The following SLC2A13 variants were observed in gnomAD, a reference collection of about 807,000 sequenced individuals.
SLC2A13 encodes the protein proton myo-inositol cotransporter.
In SLC2A13, 32 loss-of-function variants were observed where a neutral mutation model predicts 64.4. The ratio of observed to expected loss-of-function variants is 0.50; its 90% CI spans 0.37 to 0.67. The LOEUF (loss-of-function observed/expected upper bound fraction) is 0.67, where lower values mean the gene tolerates loss of function less well. SLC2A13 is among the 30% of genes least tolerant of loss of function. SLC2A13 has a pLI of 0.00. For missense variants in SLC2A13, 743 were observed against 829.2 expected, an observed-to-expected ratio of 0.90 and a Z score of 1.28; for synonymous variants, 338 against 327.1, an observed-to-expected ratio of 1.03 and a Z score of -0.36.
At chr12:39,825,327 C>A (rs1942640011) in intron 7 of SLC2A13, among the ~76,000 whole-genome samples, 1 of 152,076 alleles carries the variant, frequency 6.6e-6, no homozygotes, top group Non-Finnish European at 1.5e-5. Flanking sequence ...AAAAAAAATT[C>A]TAATGCCTGA....
At chr12:39,926,558 C>G (rs541139854) in intron 4 of SLC2A13, among the ~76,000 whole-genome samples, 1 of 152,288 alleles carries the variant, frequency 6.6e-6, no homozygotes, top group South Asian at 2.1e-4. Context: ...AGGTCATCAT[C>G]TCAATAGGTA....
chr12:39,834,124 A>T (rs946043535), intron 6 of SLC2A13, among the ~76,000 whole-genome samples: 12 of 152,068 alleles, frequency 7.9e-5, no homozygotes, highest in African/African-American at 2.9e-4. Flanking sequence ...TGCAATCTTC[A>T]TGCCTGAAGG....
chr12:39,770,585 C>T (rs1940527118), intron 7 of SLC2A13, among the ~76,000 whole-genome samples: 2 of 152,150 alleles, frequency 1.3e-5, no homozygotes, highest in Admixed American at 1.3e-4. Context: ...GGGGAAAGAA[C>T]TGTATCATGG....
intron 2 of SLC2A13, among the ~76,000 whole-genome samples, chr12:40,034,287 G>T (rs551026372): frequency 1.3e-5 from 2 of 152,290 alleles, no homozygotes; most frequent in African/African-American, 4.8e-5. Context: ...GGCCATGAAA[G>T]CATTAAGGTA....
chr12:39,927,263 G>T (rs1258740086), intron 4 of SLC2A13, among the ~76,000 whole-genome samples: 1 of 152,008 alleles, frequency 6.6e-6, no homozygotes, highest in Non-Finnish European at 1.5e-5. Flanking sequence ...ATCAACCTCT[G>T]CAAGTTTGCT....
At chr12:39,894,080 T>C (rs573865595) in intron 4 of SLC2A13, among the ~76,000 whole-genome samples, 143 of 152,334 alleles carry the variant, frequency 9.4e-4, no homozygotes, top group African/African-American at 3.4e-3. Flanking sequence ...TTTTAATAAA[T>C]GTTTTTGCAA....
intron 7 of SLC2A13, chr12:39,802,415 G>A (rs1941825028): frequency 2.0e-5 from 3 of 152,136 alleles, no homozygotes; most frequent in Admixed American, 1.3e-4. Flanking sequence ...AGACTAAGAT[G>A]GTTGATGCAC....
chr12:39,778,402 T>C (rs930123644), intron 7 of SLC2A13, among the ~76,000 whole-genome samples: 3 of 152,094 alleles, frequency 2.0e-5, no homozygotes, highest in African/African-American at 7.2e-5. Flanking sequence ...TGACTCTTCC[T>C]GGGGGAAAGT....
chr12:39,903,802 C>T (rs1284911999), intron 4 of SLC2A13, among the ~76,000 whole-genome samples: 1 of 152,038 alleles, frequency 6.6e-6, no homozygotes, highest in Non-Finnish European at 1.5e-5. Flanking sequence ...TCCCATTTAG[C>T]TTAAGTTTTC....
chr12:40,050,237 T>C (rs1375161606), intron 1 of SLC2A13, among the ~76,000 whole-genome samples: 1 of 152,216 alleles, frequency 6.6e-6, no homozygotes, highest in African/African-American at 2.4e-5. Context: ...ATGGTCTGAC[T>C]ATAAACAGGA....
chr12:39,976,437 G>A (rs1019804763), intron 3 of SLC2A13, among the ~76,000 whole-genome samples: 29 of 152,314 alleles, frequency 1.9e-4, no homozygotes, highest in Admixed American at 7.8e-4. Flanking sequence ...ATATATTCTA[G>A]CTGAAGCAGA....
At chr12:39,936,890 T>C (rs1438973411) in intron 4 of SLC2A13, among the ~76,000 whole-genome samples, 1 of 152,180 alleles carries the variant, frequency 6.6e-6, no homozygotes, top group Non-Finnish European at 1.5e-5. Flanking sequence ...TGAGTGTGTA[T>C]GGCAGAGGAG....
intron 1 of SLC2A13, among the ~76,000 whole-genome samples, chr12:40,095,501 G>A (rs1007919954): frequency 1.3e-5 from 2 of 152,212 alleles, no homozygotes; most frequent in African/African-American, 4.8e-5. Context: ...CAGGATATGT[G>A]TATCTAAGGT....
At chr12:39,832,375 A>G (rs1447856747) in intron 6 of SLC2A13, among the ~76,000 whole-genome samples, 1 of 152,164 alleles carries the variant, frequency 6.6e-6, no homozygotes, top group East Asian at 1.9e-4. Flanking sequence ...TTGCAGAGAA[A>G]TTATTCTCAA....
chr12:39,995,835 C>T (rs1947219144), intron 3 of SLC2A13, among the ~76,000 whole-genome samples: 1 of 152,158 alleles, frequency 6.6e-6, no homozygotes, highest in Non-Finnish European at 1.5e-5. Flanking sequence ...AGTTTCCCTG[C>T]ACAAGCTGCC....
At chr12:39,896,561 CATATATGTATGTATGTGTGT>C (rs1944916706) in intron 4 of SLC2A13, among the ~76,000 whole-genome samples, 1 of 121,230 alleles carries the variant, frequency 8.2e-6, no homozygotes, top group African/African-American at 3.0e-5. Flanking sequence ...TACATGTATA[CATATATGTATGTATGTGTGT>C]ATATATGTAT....
chr12:40,069,827 G>T (rs1054868970), intron 1 of SLC2A13, among the ~76,000 whole-genome samples: 1 of 151,908 alleles, frequency 6.6e-6, no homozygotes, highest in Admixed American at 6.6e-5. Flanking sequence ...CTTAAATTCT[G>T]GGTTTAATCA....
intron 3 of SLC2A13, among the ~76,000 whole-genome samples, chr12:39,989,454 C>CT (rs1401535858): frequency 6.6e-6 from 1 of 152,210 alleles, no homozygotes; most frequent in Non-Finnish European, 1.5e-5. Context: ...AGAAATAAAA[C>CT]TTTAAGGCAG....
chr12:40,046,389 A>G (rs1004075530), intron 2 of SLC2A13, among the ~76,000 whole-genome samples: 1 of 152,200 alleles, frequency 6.6e-6, no homozygotes, highest in African/African-American at 2.4e-5. Flanking sequence ...CTGAGAAAAG[A>G]TTTCTTAATT....
Sources: allele counts gnomAD v4.1 joint callset (sites outside exome capture counted in the v4.1 genomes callset), GRCh38; gene constraint gnomAD v4.1.1; transcripts MANE v1.5; gene names NCBI Gene and HGNC (gene_info 2026-07-23, HGNC 2026-07-21).